Variants in PRDM1 observed in about 807,000 individuals in gnomAD.
PRDM1 encodes PR/SET domain 1.
A neutral mutation model predicts 62.8 loss-of-function variants in PRDM1; 13 were observed. The ratio of observed to expected loss-of-function variants is 0.21; its 90% CI spans 0.13 to 0.33. PRDM1 has a LOEUF of 0.33. Among genes scored for constraint, PRDM1 ranks in the 10% least tolerant of loss-of-function variants. The probability of loss-of-function intolerance (pLI) is 1.00; values close to 1 mark genes in which losing one functional copy is unlikely to be tolerated. For synonymous variants in PRDM1, 396 were observed against 417.6 expected, an observed-to-expected ratio of 0.95 and a Z score of 0.63; for missense variants, 895 against 1,058.8, an observed-to-expected ratio of 0.85 and a Z score of 2.15.
chr6:106,025,150 A>C (rs780567590), intron 1 of PRDM1, among the ~76,000 whole-genome samples: 2 of 152,222 alleles, frequency 1.3e-5, no homozygotes, highest in African/African-American at 2.4e-5. Context: ...GTATGTTATC[A>C]ATCAACTTCT....
chr6:106,044,209 T>C (rs1435693492), upstream of PRDM1, among the ~76,000 whole-genome samples: 1 of 151,256 alleles, frequency 6.6e-6, no homozygotes, highest in Non-Finnish European at 1.5e-5. Context: ...TTTTTTTTTT[T>C]TCTGTTCCTG....
In PRDM1 at chr6:106,105,870, C is replaced by T. The variant is rs774601665; in HGVS notation, c.1710C>T (p.Asn570=). Residue 570 remains asparagine, a synonymous_variant, in exon 5 of 7, where the codon AAC becomes AAT. Coordinates refer to ENST00000369096, the MANE Select transcript of PRDM1 (RefSeq NM_001198.4). ...TTCCCTACCCGCTGAAGAAGCAGAA[C>T]GGCAAGATCAAGTACGAATGCAACG... ...KTLPYPLKKQ[N]GKIKYECNVC... 3 of 1,614,142 alleles carry T rather than the reference C, an allele frequency of 1.9e-6. No individual in the cohort carries two copies. Among genetic ancestry groups the T allele is most frequent in the Non-Finnish European group, 2.5e-6 (3 of 1,180,010 alleles).
Position 106,106,898 on chromosome 6 carries a change from C to A in PRDM1, c.1903-13C>A. 1 of 1,606,140 alleles carries A rather than the reference C, an allele frequency of 6.2e-7. No homozygotes were observed. The highest frequency in any genetic ancestry group is 1.1e-5 in the South Asian group (1 of 90,212). On this transcript the variant is annotated splice_polypyrimidine_tract_variant and intron_variant, in intron 6 of 6. Coordinates refer to ENST00000369096, the MANE Select transcript of PRDM1 (RefSeq NM_001198.4). This position sits in a 1 kb window ranked among gnomAD's most constrained non-coding sequence, Gnocchi z 4.4. ...GTCTCCCTTCCCTGCTGTCTCTCTCCCCTACACTGTAGGTCTGCCACAAGA... is the reference window on the plus strand; with the variant it reads ...GTCTCCCTTCCCTGCTGTCTCTCTCACCTACACTGTAGGTCTGCCACAAGA...
chr6:106,019,913 T>C (rs1328376894), intron 1 of PRDM1, among the ~76,000 whole-genome samples: 3 of 149,202 alleles, frequency 2.0e-5, no homozygotes, highest in Admixed American at 6.7e-5. Context: ...GTGCTGGGAT[T>C]ACAGGCGTGA....
upstream of PRDM1, among the ~76,000 whole-genome samples, chr6:106,083,307 G>T (rs1773726182): frequency 6.6e-6 from 1 of 151,940 alleles, no homozygotes; most frequent in African/African-American, 2.4e-5. Flanking sequence ...CCTTGTTTGG[G>T]TATGGCAGGA....
intron 1 of PRDM1, among the ~76,000 whole-genome samples, chr6:106,062,478 A>T (rs1038655404): frequency 5.9e-5 from 9 of 152,302 alleles, no homozygotes; most frequent in African/African-American, 1.9e-4. Context: ...GCCTCTGCAC[A>T]GTTGTTGATG....
Position 106,107,257 on chromosome 6 carries a change from G to C in PRDM1, c.2249G>C (p.Ser750Thr), listed in dbSNP as rs774500983. The change falls in exon 7 of 7, where the codon AGT (serine) becomes ACT (threonine). Residue 750 changes from serine (S) to threonine (T), a missense_variant. Physicochemically the swap from Ser to Thr is moderately conservative, Grantham distance 58. Around this residue, in one of 4 missense-constraint regions of PRDM1, gnomAD observed 164 missense variants for 179.9 expected, o/e 0.91. Transcript: ENST00000369096. ...DRLEDVEDDISVISVVEKEIL... is the reference protein window; with the variant it reads ...DRLEDVEDDITVISVVEKEIL... The stretch of plus-strand genomic sequence containing the variant: ...CTCGAGGACGTGGAGGATGACATCA[G>C]TGTGATCTCTGTAGTGGAGAAGGAA... The C allele has an allele frequency of 1.9e-6, 3 of 1,614,230 alleles. No individual in the cohort carries two copies. Among genetic ancestry groups the C allele is most frequent in the Non-Finnish European group, 8.5e-7 (1 of 1,180,048 alleles).
At chr6:106,012,329 A>G (rs1160273659) in intron 1 of PRDM1, among the ~76,000 whole-genome samples, 3 of 145,634 alleles carry the variant, frequency 2.1e-5, no homozygotes, top group Admixed American at 6.8e-5. Context: ...ACATTCACAC[A>G]CCACACACAC....
At chr6:106,043,753 C>T (rs915472413), upstream of PRDM1, among the ~76,000 whole-genome samples, 2 of 152,022 alleles carry the variant, frequency 1.3e-5, no homozygotes, top group South Asian at 2.1e-4. Flanking sequence ...AAGCTGGTCT[C>T]GAACTCCTGA....
chr6:106,050,719 A>C (rs1399318607), intron 1 of PRDM1, among the ~76,000 whole-genome samples: 1 of 152,148 alleles, frequency 6.6e-6, no homozygotes, highest in African/African-American at 2.4e-5. Flanking sequence ...ACACCTTCAA[A>C]CACGTATTTT....
At chr6:106,017,590 T>G (rs1772638068) in intron 1 of PRDM1, among the ~76,000 whole-genome samples, 1 of 152,178 alleles carries the variant, frequency 6.6e-6, no homozygotes, top group Non-Finnish European at 1.5e-5. Context: ...GGGTTTTGGG[T>G]AAGTTCACAC....
rs755999812 is a variant in PRDM1, at chr6:106,106,925, A to G, written c.1917A>G (p.Arg639=). 12 of 1,613,274 alleles carry G rather than the reference A, an allele frequency of 7.4e-6. No homozygotes were observed. Among genetic ancestry groups the G allele is most frequent in the Non-Finnish European group, 1.0e-5 (12 of 1,179,490 alleles). The part of the protein sequence containing the change: ...KPHECQVCHK[R]FSSTSNLKTH... The stretch of plus-strand genomic sequence containing the variant: ...CTACACTGTAGGTCTGCCACAAGAG[A>G]TTTAGCAGCACCAGCAATCTCAAGA... Residue 639 remains arginine, a synonymous_variant, in exon 7 of 7, where the codon AGA becomes AGG. Transcript: ENST00000369096. This position sits in a 1 kb window ranked among gnomAD's most constrained non-coding sequence, Gnocchi z 4.4.
chr6:106,062,016 A>AG (rs1773352284), intron 1 of PRDM1, among the ~76,000 whole-genome samples: 1 of 152,232 alleles, frequency 6.6e-6, no homozygotes, highest in African/African-American at 2.4e-5. Context: ...AGTATAGGCA[A>AG]GGGTGGGGGA....
At chr6:106,011,981 A>G (rs1210504785) in intron 1 of PRDM1, among the ~76,000 whole-genome samples, 3 of 148,412 alleles carry the variant, frequency 2.0e-5, no homozygotes, top group African/African-American at 7.5e-5. Context: ...CAAACATACC[A>G]CACACACCAC....
At chr6:106,030,687 C>T (rs931621953) in intron 1 of PRDM1, among the ~76,000 whole-genome samples, 3 of 151,964 alleles carry the variant, frequency 2.0e-5, no homozygotes, top group Admixed American at 6.6e-5. Flanking sequence ...GTCTAAGATT[C>T]GTTTAGAGAT....
At chr6:106,015,312 G>A (rs1243090251) in intron 1 of PRDM1, among the ~76,000 whole-genome samples, 1 of 152,018 alleles carries the variant, frequency 6.6e-6, no homozygotes, top group Non-Finnish European at 1.5e-5. Flanking sequence ...TTTTGTTAAT[G>A]AAGTAGAAAA....
chr6:106,070,555 G>A (rs534520985), intron 1 of PRDM1, among the ~76,000 whole-genome samples: 2 of 151,518 alleles, frequency 1.3e-5, no homozygotes, highest in South Asian at 4.2e-4. Context: ...ATTTCCCTGT[G>A]GATATATTTC....
At chr6:106,086,619 T>C in intron 1 of PRDM1, 24 bp downstream of exon 1, 1 of 1,541,164 alleles carries the variant, frequency 6.5e-7, no homozygotes, top group Non-Finnish European at 8.8e-7. Context: ...ATTTTTTTTT[T>C]TTAATTCTGA....
intron 2 of PRDM1, among the ~76,000 whole-genome samples, chr6:106,095,054 A>AACACAC (rs369840258): frequency 1.3e-5 from 2 of 149,918 alleles, no homozygotes; most frequent in Non-Finnish European, 3.0e-5. Context: ...AAAAAAAAAA[A>AACACAC]ACACACACAC....
Sources: allele counts gnomAD v4.1 joint callset (sites outside exome capture counted in the v4.1 genomes callset), GRCh38; gene constraint gnomAD v4.1.1; regional missense constraint gnomAD v4.1.1; non-coding constraint Gnocchi (gnomAD v3.1); transcripts MANE v1.5; gene names NCBI Gene and HGNC (gene_info 2026-07-23, HGNC 2026-07-21).